The following IL12RB2 variants were observed in gnomAD, a reference collection of about 807,000 sequenced individuals.
IL12RB2 encodes interleukin-12 receptor subunit beta-2.
In IL12RB2, 82 loss-of-function variants were observed where a neutral mutation model predicts 89.4. The observed-to-expected ratio is 0.92, with a 90% CI of 0.77 to 1.10. The LOEUF (loss-of-function observed/expected upper bound fraction) is 1.10. Ranked by LOEUF, IL12RB2 falls within the 50% of genes least tolerant of loss-of-function variation. The probability of loss-of-function intolerance (pLI) is 0.00; values close to 1 mark genes in which losing one functional copy is unlikely to be tolerated. For synonymous variants in IL12RB2, 368 were observed against 370.1 expected, an observed-to-expected ratio of 0.99 and a Z score of 0.07; for missense variants, 963 against 1,031.9, an observed-to-expected ratio of 0.93 and a Z score of 0.92.
rs755553813 is a variant in IL12RB2, at chr1:67,338,692, C to A, written c.1027C>A (p.Leu343Ile). The A allele has an allele frequency of 2.6e-6, 4 of 1,509,574 alleles. No individual in the cohort carries two copies. The highest frequency in any genetic ancestry group is 4.5e-5 in the East Asian group (2 of 44,398). 93.5% of individuals were successfully genotyped at this position (1,509,574 alleles called of 1,614,324 possible). The change falls in exon 9 of 17, where the codon CTT becomes ATT. Residue 343 changes from leucine (L) to isoleucine (I), a missense_variant. Physicochemically the swap from Leu to Ile is conservative, Grantham distance 5. Transcript: ENST00000674203. The part of the protein sequence containing the change: ...HIDYSRQQIS[L>I]FWKNLSVSEA... ...TGACTACAGTAGACAACAGATTTCTCTTTTCTGGAAGGTGAGTTTTAAGCG... is the reference window on the plus strand; with the variant it reads ...TGACTACAGTAGACAACAGATTTCTATTTTCTGGAAGGTGAGTTTTAAGCG...
chr1:67,386,388 T>C (rs758304575), intron 14 of IL12RB2, among the ~76,000 whole-genome samples, 191 bp from the exon 15 acceptor site: 3 of 152,124 alleles, frequency 2.0e-5, no homozygotes, highest in Non-Finnish European at 4.4e-5. Flanking sequence ...AGAGCTCCTC[T>C]TGGAACCATA....
At chr1:67,344,061 A>G (rs1023835819) in intron 9 of IL12RB2, among the ~76,000 whole-genome samples, 4 of 152,138 alleles carry the variant, frequency 2.6e-5, no homozygotes, top group Non-Finnish European at 4.4e-5. Flanking sequence ...GTTAGGGAGC[A>G]GTTCCAGGTT....
chr1:67,336,705 G>T (rs2100728807), intron 8 of IL12RB2, among the ~76,000 whole-genome samples: 1 of 152,368 alleles, frequency 6.6e-6, no homozygotes, highest in South Asian at 2.1e-4. Flanking sequence ...GGGGATGGAA[G>T]TATCGCAGAG....
chr1:67,387,056 G>A (rs1665276144), intron 15 of IL12RB2, among the ~76,000 whole-genome samples: 1 of 151,354 alleles, frequency 6.6e-6, no homozygotes, highest in Non-Finnish European at 1.5e-5. Context: ...AGCCTCCTGA[G>A]TAGCTGGGAT....
Position 67,396,516 on chromosome 1 carries a change from G to A in IL12RB2, c.*427G>A, listed in dbSNP as rs955515549. The A allele has an allele frequency of 4.2e-6, 1 of 237,636 alleles. No homozygotes were observed. The highest frequency in any genetic ancestry group is 8.3e-6 in the Non-Finnish European group (1 of 119,858). 14.7% of individuals were successfully genotyped at this position (237,636 alleles called of 1,614,324 possible). A position where few individuals can be genotyped will look rare whatever the true frequency, so the allele number is the denominator to read the frequency against. Reference sequence around the variant, plus strand: ...CACAGCAGATCAGTACTGTTCAACAGAACTTCCTGAGATGATGGAAATGTT... The same window carrying A: ...CACAGCAGATCAGTACTGTTCAACAAAACTTCCTGAGATGATGGAAATGTT... On this transcript the variant is annotated 3_prime_UTR_variant, in exon 17 of 17. Transcript: ENST00000674203.
At position 67,328,213 on chromosome 1, in the gene IL12RB2, A is replaced by G; in HGVS notation, c.493A>G (p.Lys165Glu). ...TEYTLQLSGP[K>E]NLTWQKQCKD... ...TTTTGTTTACAGGCTAAGTGGACCA[A>G]AAAATTTAACCTGGCAGAAGCAATG... Residue 165 changes from lysine to glutamate, a missense_variant, in exon 6 of 17, where the codon AAA becomes GAA. Coordinates refer to ENST00000674203, the MANE Select transcript of IL12RB2 (RefSeq NM_001374259.2). 6.2e-7 allele frequency: 1 copy of G among 1,614,044 alleles called. No homozygotes were observed. Among genetic ancestry groups the G allele is most frequent in the Non-Finnish European group, 8.5e-7 (1 of 1,179,896 alleles).
At chr1:67,366,714 C>G (rs1662715734) in intron 10 of IL12RB2, among the ~76,000 whole-genome samples, 1 of 152,110 alleles carries the variant, frequency 6.6e-6, no homozygotes, top group African/African-American at 2.4e-5. Flanking sequence ...TCCAGAAACA[C>G]AGAAACATTC....
chr1:67,363,373 T>C (rs1259599967), intron 10 of IL12RB2, among the ~76,000 whole-genome samples: 2 of 151,760 alleles, frequency 1.3e-5, no homozygotes, highest in Non-Finnish European at 2.9e-5. Flanking sequence ...TGTGCCACCA[T>C]GCCCAGCTAA....
chr1:67,372,907 T>A, intron 13 of IL12RB2, 124 bp downstream of exon 13: 1 of 760,028 alleles, frequency 1.3e-6, no homozygotes, highest in Non-Finnish European at 2.4e-6. Context: ...TAGTAAGTAC[T>A]CCATAAATAC....
At chr1:67,317,273 G>A (rs1655897687) in intron 2 of IL12RB2, among the ~76,000 whole-genome samples, 1 of 152,138 alleles carries the variant, frequency 6.6e-6, no homozygotes, top group African/African-American at 2.4e-5. Context: ...CCATGACCTT[G>A]GACTTTTTGG....
intron 10 of IL12RB2, among the ~76,000 whole-genome samples, chr1:67,355,427 A>G (rs1198618817): frequency 6.6e-6 from 1 of 151,390 alleles, no homozygotes; most frequent in African/African-American, 2.4e-5. Context: ...AAAAAGAAAA[A>G]AAAAAAAAAA....
intron 8 of IL12RB2, among the ~76,000 whole-genome samples, chr1:67,332,671 A>G (rs1004681934): frequency 1.3e-5 from 2 of 152,200 alleles, no homozygotes; most frequent in Non-Finnish European, 2.9e-5. Flanking sequence ...ATTTTTTTAA[A>G]GACTATCTCA....
chr1:67,394,133 C>G (rs1247277818), intron 16 of IL12RB2, among the ~76,000 whole-genome samples: 4 of 152,076 alleles, frequency 2.6e-5, no homozygotes, highest in Admixed American at 6.5e-5. Flanking sequence ...GAGAGAAGGG[C>G]ATGATTAGTA....
chr1:67,333,700 G>T (rs568352039), intron 8 of IL12RB2, among the ~76,000 whole-genome samples: 1 of 152,272 alleles, frequency 6.6e-6, no homozygotes, highest in African/African-American at 2.4e-5. Context: ...TCCATCAAAG[G>T]CAGGCCTGAT....
chr1:67,368,249 C>A (rs1662926344), intron 11 of IL12RB2, among the ~76,000 whole-genome samples: 1 of 152,190 alleles, frequency 6.6e-6, no homozygotes, highest in South Asian at 2.1e-4. Flanking sequence ...ATCCATATCC[C>A]TAGCACAATG....
chr1:67,396,199 C>A lies in IL12RB2; in HGVS notation c.*110C>A. 1 of 798,504 alleles carries A rather than the reference C, an allele frequency of 1.3e-6. No homozygotes were observed. 49.5% of individuals were successfully genotyped at this position (798,504 alleles called of 1,614,324 possible). A position where few individuals can be genotyped will look rare whatever the true frequency, so the allele number is the denominator to read the frequency against. On this transcript the variant is annotated 3_prime_UTR_variant, in exon 17 of 17. Coordinates refer to ENST00000674203, the MANE Select transcript of IL12RB2 (RefSeq NM_001374259.2). ...GTCATCTCTGGGTGCCACCATCGGT[C>A]TGGCTGCAGCTAGAGGACAGGCAAG...
At chr1:67,350,653 T>C (rs982208004) in intron 9 of IL12RB2, among the ~76,000 whole-genome samples, 3 of 152,236 alleles carry the variant, frequency 2.0e-5, no homozygotes, top group Non-Finnish European at 4.4e-5. Context: ...TCTTAAGAAT[T>C]ATCTTTTAAA....
intron 10 of IL12RB2, among the ~76,000 whole-genome samples, chr1:67,355,063 C>G (rs570004382): frequency 1.5e-3 from 227 of 152,100 alleles, no homozygotes; most frequent in African/African-American, 5.4e-3. Context: ...CTGCCGTGAG[C>G]CATGATCGTG....
At chr1:67,345,287 A>T (rs1364605938) in intron 9 of IL12RB2, among the ~76,000 whole-genome samples, 1 of 152,248 alleles carries the variant, frequency 6.6e-6, no homozygotes. Context: ...ACCACAGAAG[A>T]TGGAAAGAAC....
Sources: allele counts gnomAD v4.1 joint callset (sites outside exome capture counted in the v4.1 genomes callset), GRCh38; gene constraint gnomAD v4.1.1; transcripts MANE v1.5; gene names NCBI Gene and HGNC (gene_info 2026-07-23, HGNC 2026-07-21).